GABRB1: variants seen among roughly 807,000 people sequenced by gnomAD.
GABRB1 encodes the protein gamma-aminobutyric acid type A receptor subunit beta1, also known as gamma-aminobutyric acid receptor subunit beta-1.
Under a neutral mutation model 51.6 loss-of-function variants are expected in GABRB1, and 17 were observed. The ratio of observed to expected loss-of-function variants is 0.33; its 90% CI spans 0.23 to 0.49. GABRB1 has a LOEUF of 0.49. Among genes scored for constraint, GABRB1 ranks in the 20% least tolerant of loss-of-function variants. The pLI is 0.99. For missense variants in GABRB1, 410 were observed against 600.6 expected, an observed-to-expected ratio of 0.68 and a Z score of 3.32; for synonymous variants, 247 against 218.9, an observed-to-expected ratio of 1.13 and a Z score of -1.14.
At chr4:47,229,139 T>C (rs1027019786) in intron 4 of GABRB1, among the ~76,000 whole-genome samples, 11 of 152,188 alleles carry the variant, frequency 7.2e-5, no homozygotes, top group African/African-American at 2.4e-4. Flanking sequence ...TGCTGAGCTC[T>C]AATTCAAATG....
intron 3 of GABRB1, among the ~76,000 whole-genome samples, chr4:47,070,665 G>T (rs930651869): frequency 5.9e-5 from 9 of 152,096 alleles, no homozygotes; most frequent in Non-Finnish European, 1.0e-4. Flanking sequence ...TTGTCTATTT[G>T]TTATCCAAAA....
At chr4:47,069,038 A>C (rs998952602) in intron 3 of GABRB1, among the ~76,000 whole-genome samples, 1 of 152,060 alleles carries the variant, frequency 6.6e-6, no homozygotes, top group Non-Finnish European at 1.5e-5. Context: ...CTCATCTCTA[A>C]ATTTTGCCTT....
intron 4 of GABRB1, among the ~76,000 whole-genome samples, chr4:47,301,964 G>A (rs957510535): frequency 2.6e-5 from 4 of 152,044 alleles, no homozygotes; most frequent in Non-Finnish European, 5.9e-5. Context: ...CATCTTTTTG[G>A]TTCATTTCAA....
intron 1 of GABRB1, among the ~76,000 whole-genome samples, chr4:47,023,231 C>A (rs1031874491): frequency 6.6e-6 from 1 of 151,772 alleles, no homozygotes; most frequent in Non-Finnish European, 1.5e-5. Flanking sequence ...GATACAAAAA[C>A]AGAAAAAATG....
At chr4:47,285,118 A>C (rs1723459502) in intron 4 of GABRB1, among the ~76,000 whole-genome samples, 1 of 152,238 alleles carries the variant, frequency 6.6e-6, no homozygotes, top group Non-Finnish European at 1.5e-5. Context: ...TAGTGATAAA[A>C]AATTGAAATT....
At chr4:47,232,940 T>G (rs899244482) in intron 4 of GABRB1, among the ~76,000 whole-genome samples, 5 of 151,596 alleles carry the variant, frequency 3.3e-5, no homozygotes, top group Non-Finnish European at 1.5e-5. Flanking sequence ...AGTGGTTTGA[T>G]CTCAGCTCAC....
intron 3 of GABRB1, among the ~76,000 whole-genome samples, chr4:47,088,461 G>T (rs910020718): frequency 3.9e-5 from 6 of 152,186 alleles, no homozygotes; most frequent in African/African-American, 1.4e-4. Context: ...GTGCTAGGCT[G>T]GGGGAAGAGC....
chr4:47,266,022 A>G (rs937861044), intron 4 of GABRB1, among the ~76,000 whole-genome samples: 6 of 152,198 alleles, frequency 3.9e-5, no homozygotes, highest in East Asian at 3.9e-4. Context: ...TACTTAGGCC[A>G]ATGTCCAGAA....
chr4:47,260,874 G>C (rs1208335193), intron 4 of GABRB1, among the ~76,000 whole-genome samples: 1 of 152,138 alleles, frequency 6.6e-6, no homozygotes, highest in Non-Finnish European at 1.5e-5. Flanking sequence ...CTTCATCCCT[G>C]GGATGCAAGA....
At chr4:47,336,205 C>T (rs1725691357) in intron 5 of GABRB1, among the ~76,000 whole-genome samples, 1 of 152,122 alleles carries the variant, frequency 6.6e-6, no homozygotes, top group Non-Finnish European at 1.5e-5. Context: ...AGGAGAGATT[C>T]TATCTGGAAA....
intron 4 of GABRB1, among the ~76,000 whole-genome samples, chr4:47,264,137 A>G (rs1361204477): frequency 6.6e-6 from 1 of 152,136 alleles, no homozygotes; most frequent in Non-Finnish European, 1.5e-5. Context: ...GCAAGACTCT[A>G]TCTCAAAAAC....
intron 3 of GABRB1, among the ~76,000 whole-genome samples, chr4:47,067,876 C>T (rs1727155271): frequency 6.6e-6 from 1 of 152,082 alleles, no homozygotes; most frequent in African/African-American, 2.4e-5. Context: ...TGCTCTCCCT[C>T]CCCTTAACCC....
intron 4 of GABRB1, among the ~76,000 whole-genome samples, chr4:47,225,948 C>T (rs539116929): frequency 1.3e-5 from 2 of 152,088 alleles, no homozygotes; most frequent in Non-Finnish European, 2.9e-5. Flanking sequence ...CTAACTTCAA[C>T]CCCCCACCAG....
chr4:47,394,271 A>G (rs1728105202), intron 5 of GABRB1, among the ~76,000 whole-genome samples: 1 of 152,216 alleles, frequency 6.6e-6, no homozygotes, highest in Non-Finnish European at 1.5e-5. Flanking sequence ...GCAAATCCAG[A>G]CTTCAATTGG....
intron 1 of GABRB1, among the ~76,000 whole-genome samples, chr4:47,013,139 C>CTGTG (rs59902564): frequency 0.31 from 46,548 of 148,900 alleles, 7,136 homozygotes; most frequent in South Asian, 0.33. Flanking sequence ...AAATTGCATT[C>CTGTG]TGTGTGTGTG....
intron 5 of GABRB1, among the ~76,000 whole-genome samples, chr4:47,355,112 A>T (rs1464265013): frequency 2.7e-5 from 4 of 149,276 alleles, no homozygotes; most frequent in Non-Finnish European, 5.9e-5. Flanking sequence ...CAGCCTCCCA[A>T]GTAGCTGGGG....
chr4:47,256,314 A>C (rs1325295969), intron 4 of GABRB1, among the ~76,000 whole-genome samples: 3 of 152,246 alleles, frequency 2.0e-5, no homozygotes, highest in Non-Finnish European at 4.4e-5. Context: ...GTTTACATAC[A>C]TGCTAAAATA....
At chr4:47,231,199 T>G (rs1263095195) in intron 4 of GABRB1, among the ~76,000 whole-genome samples, 1 of 152,174 alleles carries the variant, frequency 6.6e-6, no homozygotes, top group Non-Finnish European at 1.5e-5. Context: ...ACTTTCATAT[T>G]AAGACAATGT....
At chr4:47,381,960 A>AC (rs1298957892) in intron 5 of GABRB1, among the ~76,000 whole-genome samples, 3 of 152,196 alleles carry the variant, frequency 2.0e-5, no homozygotes, top group Admixed American at 2.0e-4. Flanking sequence ...TCCCCCCTCC[A>AC]AGTAGTGTGT....
Sources: gnomAD v4.1 joint callset for allele counts (sites outside exome capture counted in the v4.1 genomes callset) on GRCh38, gnomAD v4.1.1 for gene constraint, MANE v1.5 for transcripts, NCBI Gene and HGNC (gene_info 2026-07-23, HGNC 2026-07-21) for gene names.